OTOGL: variants seen among roughly 807,000 people sequenced by gnomAD.
The protein encoded by OTOGL is otogelin-like protein.
Under a neutral mutation model 318.5 loss-of-function variants are expected in OTOGL, and 285 were observed. That is an observed-to-expected ratio of 0.89 (90% CI 0.81 to 0.99). The LOEUF is 0.99. OTOGL is among the 50% of genes least tolerant of loss of function. The pLI is 0.00. For missense variants in OTOGL, 2,899 were observed against 2,845.6 expected (o/e 1.02, Z -0.43); for synonymous variants, 987 against 936.5 (o/e 1.05, Z -0.99).
At chr12:80,270,065 A>T in intron 22 of OTOGL, 37 bp from the exon 23 acceptor site, 2 of 1,452,752 alleles carry the variant, frequency 1.4e-6, no homozygotes, top group South Asian at 1.3e-5. Flanking sequence ...AAAACAACAG[A>T]TTTGGTTCCA....
chr12:80,262,069 C>T lies in OTOGL; in HGVS notation c.1990C>T (p.Pro664Ser), dbSNP rs76420383. 3,052 of 1,610,908 alleles carry T rather than the reference C, an allele frequency of 1.9e-3. 17 individuals are homozygous for T. The highest frequency in any genetic ancestry group is 0.01 in the Middle Eastern group (63 of 6,050). Residue 664 changes from proline to serine, a missense_variant, in exon 19 of 59, where the codon CCC becomes TCC. Coordinates refer to ENST00000547103, the MANE Select transcript of OTOGL (RefSeq NM_001378609.3). ...FAPVHVPVVDPCNINQQNIGY... is the reference protein window; with the variant it reads ...FAPVHVPVVDSCNINQQNIGY... ...ACCTGTTCATGTCCCAGTGGTGGAC[C>T]CCTGTAACATCAATCAACAAAACAG... is the stretch of plus-strand genomic sequence containing the variant.
At chr12:80,332,812 C>T (rs979247504) in intron 37 of OTOGL, among the ~76,000 whole-genome samples, 193 bp from the exon 38 acceptor site, 4 of 152,156 alleles carry the variant, frequency 2.6e-5, no homozygotes, top group African/African-American at 9.7e-5. Flanking sequence ...ACTTAACAGC[C>T]TTACTTCTCT....
chr12:80,281,972 A>G (rs1280575308), intron 26 of OTOGL, among the ~76,000 whole-genome samples: 1 of 151,910 alleles, frequency 6.6e-6, no homozygotes, highest in Admixed American at 6.6e-5. Flanking sequence ...TATGACAATA[A>G]AAAGATATTA....
intron 1 of OTOGL, among the ~76,000 whole-genome samples, chr12:80,189,135 A>G (rs1373574491): frequency 6.6e-6 from 1 of 152,200 alleles, no homozygotes; most frequent in East Asian, 1.9e-4. Flanking sequence ...TGGTTAATGT[A>G]TCATAAATAG....
chr12:80,312,920 T>A (rs1426071794), intron 30 of OTOGL, among the ~76,000 whole-genome samples: 1 of 152,216 alleles, frequency 6.6e-6, no homozygotes, highest in Non-Finnish European at 1.5e-5. Flanking sequence ...CAAGTGATTC[T>A]CCTGCCTCAG....
chr12:80,348,851 A>G (rs1889366759), intron 44 of OTOGL, among the ~76,000 whole-genome samples: 1 of 152,088 alleles, frequency 6.6e-6, no homozygotes, highest in Admixed American at 6.6e-5. Context: ...CAGCTGGAAT[A>G]CTTTTTTCTT....
chr12:80,140,246 T>C (rs1871846869), intron 1 of OTOGL, among the ~76,000 whole-genome samples: 1 of 152,232 alleles, frequency 6.6e-6, no homozygotes, highest in Non-Finnish European at 1.5e-5. Flanking sequence ...TGAGTTGTTT[T>C]TCGTTTTACC....
At chr12:80,257,727 C>A in intron 17 of OTOGL, 98 bp from the exon 18 acceptor site, 1 of 1,166,042 alleles carries the variant, frequency 8.6e-7, no homozygotes, top group Non-Finnish European at 1.2e-6. Context: ...TCCTCCTTCC[C>A]TGGTATCTGG....
intron 4 of OTOGL, 45 bp from the exon 5 acceptor site, chr12:80,217,553 T>C: frequency 2.3e-6 from 3 of 1,311,414 alleles, no homozygotes; most frequent in Non-Finnish European, 3.2e-6. Context: ...TTGGCTTGAA[T>C]TAAATAATTT....
chr12:80,307,443 C>G lies in OTOGL; in HGVS notation c.3333+1748C>G, dbSNP rs531790588. On this transcript the variant is annotated intron_variant, in intron 29 of 58. Coordinates refer to ENST00000547103, the MANE Select transcript of OTOGL (RefSeq NM_001378609.3). Reference sequence around the variant, plus strand: ...CGGCTGGCCAGACGGGGGGCTGACCCCCCCCACCTCCCTCCTGGACGGGGT... The same window carrying G: ...CGGCTGGCCAGACGGGGGGCTGACCGCCCCCACCTCCCTCCTGGACGGGGT... 5.5e-3 allele frequency among the ~76,000 whole-genome samples: 819 copies of G among 149,788 alleles called. 15 individuals are homozygous for G. The highest frequency in any genetic ancestry group is 0.019 in the African/African-American group (759 of 40,372).
intron 1 of OTOGL, among the ~76,000 whole-genome samples, chr12:80,145,502 G>A (rs989895654): frequency 6.6e-6 from 1 of 151,880 alleles, no homozygotes. Flanking sequence ...GATGCCTCCA[G>A]CTTTGTTCTT....
At chr12:80,323,935 A>C in intron 35 of OTOGL, 95 bp downstream of exon 35, 60 of 883,482 alleles carry the variant, frequency 6.8e-5, no homozygotes, top group Non-Finnish European at 1.0e-4. Flanking sequence ...AGCCATTCTC[A>C]AGTTGTATAT....
At chr12:80,225,080 T>C (rs1878705412) in intron 7 of OTOGL, among the ~76,000 whole-genome samples, 1 of 151,814 alleles carries the variant, frequency 6.6e-6, no homozygotes, top group African/African-American at 2.4e-5. Flanking sequence ...AAATAACAAA[T>C]GTATTTAAAG....
At position 80,224,115 on chromosome 12, in the gene OTOGL, G is replaced by A. The variant is rs556127229; in HGVS notation, c.489+1870G>A. ...GAGTTGATTTTTGTATAAAGTGAGA[G>A]ATGAGGATCCAGTTTCATTCTTCTG... On this transcript the variant is annotated intron_variant, in intron 7 of 58. Transcript: ENST00000547103. Among the ~76,000 whole-genome samples, 43 of 152,284 alleles carry A rather than the reference G, an allele frequency of 2.8e-4. No homozygotes were observed. In the East Asian group the frequency reaches 7.7e-3, roughly 27 times the overall value.
chr12:80,251,189 C>G (rs1035064986), intron 11 of OTOGL, among the ~76,000 whole-genome samples: 4 of 152,232 alleles, frequency 2.6e-5, no homozygotes, highest in African/African-American at 9.6e-5. Context: ...CATTAAAATA[C>G]TTTTGATTAC....
At chr12:80,146,645 C>A (rs1872385971) in intron 1 of OTOGL, among the ~76,000 whole-genome samples, 1 of 151,952 alleles carries the variant, frequency 6.6e-6, no homozygotes, top group Admixed American at 6.5e-5. Flanking sequence ...ATCAGTTCCT[C>A]CTTGTACCTC....
intron 1 of OTOGL, among the ~76,000 whole-genome samples, chr12:80,195,297 C>A (rs935021281): frequency 1.3e-5 from 2 of 152,128 alleles, no homozygotes; most frequent in African/African-American, 4.8e-5. Context: ...GGTTAACAGC[C>A]TGAGAGCATG....
intron 44 of OTOGL, among the ~76,000 whole-genome samples, chr12:80,348,522 A>T (rs1889345029): frequency 6.6e-6 from 1 of 152,164 alleles, no homozygotes; most frequent in African/African-American, 2.4e-5. Context: ...TGGTTACTGT[A>T]GTCTTCTACC....
In OTOGL at chr12:80,186,063, G is replaced by T. The variant is rs563620925; in HGVS notation, c.-19-23350G>T. On this transcript the variant is annotated intron_variant, in intron 1 of 58. Transcript: ENST00000547103. ...AGCATTTAGGGCTTCTTTTCCAAGG[G>T]TGTCCTTAAAGTCATACCCTTCCTA... Among the ~76,000 whole-genome samples the T allele has an allele frequency of 1.8e-3, 275 of 152,244 alleles. 2 individuals carry two copies. Among genetic ancestry groups the T allele is most frequent in the African/African-American group, 6.5e-3 (269 of 41,548 alleles).
Sources: gnomAD v4.1 joint callset for allele counts (sites outside exome capture counted in the v4.1 genomes callset) on GRCh38, gnomAD v4.1.1 for gene constraint, MANE v1.5 for transcripts, NCBI Gene and HGNC (gene_info 2026-07-23, HGNC 2026-07-21) for gene names.